Variants in PRKG1 observed in about 807,000 individuals in gnomAD.
The protein encoded by PRKG1 is cGMP-dependent protein kinase 1.
A neutral mutation model predicts 88.1 loss-of-function variants in PRKG1; 35 were observed. The observed-to-expected ratio is 0.40, with a 90% confidence interval of 0.30 to 0.53. The LOEUF is 0.53. Among genes scored for constraint, PRKG1 ranks in the 20% least tolerant of loss-of-function variants. The probability of loss-of-function intolerance (pLI) is 0.59; values close to 1 mark genes in which losing one functional copy is unlikely to be tolerated. For synonymous variants in PRKG1, 303 were observed against 292.5 expected (o/e 1.04, Z -0.37); for missense variants, 540 against 839.8 (o/e 0.64, Z 4.41).
intron 3 of PRKG1, among the ~76,000 whole-genome samples, chr10:51,484,246 TC>T (rs1840460269): frequency 1.3e-5 from 2 of 152,160 alleles, no homozygotes; most frequent in Admixed American, 1.3e-4. Context: ...CAAGCCCGTG[TC>T]CCTTTACCTG....
At chr10:52,001,907 GGTTACACAAAACACAT>G (rs1352519322) in intron 5 of PRKG1, among the ~76,000 whole-genome samples, 5 of 151,956 alleles carry the variant, frequency 3.3e-5, no homozygotes, top group Admixed American at 6.6e-5. Context: ...TAGAGTAAAT[GGTTACACAAAACACAT>G]GTGAAGTTGG....
intron 5 of PRKG1, among the ~76,000 whole-genome samples, chr10:51,970,801 A>G (rs916588421): frequency 3.5e-5 from 5 of 141,276 alleles, no homozygotes; most frequent in Middle Eastern, 3.4e-3. Flanking sequence ...TTATATATAT[A>G]TATCAGATGA....
At chr10:51,627,932 TCC>T (rs879732765) in intron 3 of PRKG1, among the ~76,000 whole-genome samples, 2,239 of 32,684 alleles carry the variant, frequency 0.069, 84 homozygotes, top group Non-Finnish European at 0.12. Context: ...CTTCCTTTCT[TCC>T]TTCCTTCCTT....
intron 2 of PRKG1, among the ~76,000 whole-genome samples, chr10:51,452,086 A>G (rs1037087599): frequency 1.3e-5 from 2 of 151,920 alleles, no homozygotes; most frequent in Admixed American, 1.3e-4. Context: ...CAATTTACCC[A>G]TTTAAGGTGT....
At chr10:51,597,172 TG>T (rs922358157) in intron 3 of PRKG1, among the ~76,000 whole-genome samples, 9 of 149,008 alleles carry the variant, frequency 6.0e-5, no homozygotes, top group African/African-American at 2.6e-5. Context: ...TTCTAGAGTT[TG>T]TTTTTTTTTT....
At chr10:51,986,020 G>C (rs536188324) in intron 5 of PRKG1, among the ~76,000 whole-genome samples, 1 of 152,210 alleles carries the variant, frequency 6.6e-6, no homozygotes, top group Non-Finnish European at 1.5e-5. Context: ...ACACTATAGG[G>C]TATTTGTCAT....
chr10:51,525,764 T>C (rs1210127880), intron 3 of PRKG1, among the ~76,000 whole-genome samples: 3 of 151,472 alleles, frequency 2.0e-5, no homozygotes, highest in African/African-American at 7.3e-5. Context: ...AACTCCCATA[T>C]ACCTACCACC....
intron 1 of PRKG1, among the ~76,000 whole-genome samples, chr10:51,008,058 A>T (rs951925839): frequency 6.6e-6 from 1 of 152,184 alleles, no homozygotes; most frequent in South Asian, 2.1e-4. Flanking sequence ...ATACTACATG[A>T]TAATCAACAG....
intron 4 of PRKG1, among the ~76,000 whole-genome samples, chr10:51,824,108 A>G (rs1839824191): frequency 1.3e-5 from 2 of 152,016 alleles, no homozygotes; most frequent in Admixed American, 6.6e-5. Context: ...TCCTGGGCTC[A>G]AGTGATTCTC....
chr10:51,452,343 A>G (rs777287511), intron 2 of PRKG1, among the ~76,000 whole-genome samples: 1 of 151,858 alleles, frequency 6.6e-6, no homozygotes, highest in African/African-American at 2.4e-5. Context: ...TAGAAGTAGT[A>G]CAAGTGGGGA....
intron 2 of PRKG1, among the ~76,000 whole-genome samples, chr10:51,425,072 C>T (rs1020511672): frequency 2.6e-5 from 4 of 152,024 alleles, no homozygotes; most frequent in Admixed American, 2.0e-4. Context: ...GCCCCTGCTA[C>T]GTATCAGGTA....
chr10:51,761,011 G>A (rs138439201), intron 3 of PRKG1, among the ~76,000 whole-genome samples: 182 of 152,256 alleles, frequency 1.2e-3, no homozygotes, highest in African/African-American at 4.1e-3. Context: ...TACTTGGGAG[G>A]CTGAGGCAGA....
chr10:51,937,527 G>A (rs756300260), intron 5 of PRKG1, among the ~76,000 whole-genome samples: 1 of 151,986 alleles, frequency 6.6e-6, no homozygotes, highest in Non-Finnish European at 1.5e-5. Flanking sequence ...GTTCCAGTCT[G>A]ACTTAAGAAA....
At chr10:52,055,922 G>T (rs12360488) in intron 6 of PRKG1, among the ~76,000 whole-genome samples, 8 of 152,094 alleles carry the variant, frequency 5.3e-5, no homozygotes, top group Non-Finnish European at 8.8e-5. Flanking sequence ...CACAATTTAG[G>T]TAATTCTCCT....
chr10:51,033,454 T>C (rs920707206), intron 1 of PRKG1, among the ~76,000 whole-genome samples: 3 of 152,188 alleles, frequency 2.0e-5, no homozygotes, highest in Non-Finnish European at 2.9e-5. Flanking sequence ...TCAGTCTCAC[T>C]ATAGGACATG....
At chr10:52,291,535 T>G (rs1842246010) in intron 17 of PRKG1, among the ~76,000 whole-genome samples, 1 of 151,826 alleles carries the variant, frequency 6.6e-6, no homozygotes, top group Non-Finnish European at 1.5e-5. Flanking sequence ...GATAGTTTAC[T>G]GAGAAATGAT....
At chr10:51,083,344 T>C (rs1411290948) in intron 1 of PRKG1, among the ~76,000 whole-genome samples, 1 of 152,220 alleles carries the variant, frequency 6.6e-6, no homozygotes, top group Non-Finnish European at 1.5e-5. Context: ...GTTTTGTTTT[T>C]AAATTCTTGC....
intron 3 of PRKG1, among the ~76,000 whole-genome samples, chr10:51,559,530 A>G (rs1376239536): frequency 6.6e-6 from 1 of 152,100 alleles, no homozygotes; most frequent in African/African-American, 2.4e-5. Flanking sequence ...AAGCAACCAA[A>G]CAAGACTTTT....
At position 51,762,873 on chromosome 10, in the gene PRKG1, T is replaced by C. The variant is rs543896300; in HGVS notation, c.593-41712T>C. On this transcript the variant is annotated intron_variant, in intron 3 of 17. Coordinates refer to ENST00000373980, the MANE Select transcript of PRKG1 (RefSeq NM_006258.4). ...GGATCTATATCCTCACAGTGATTCA[T>C]GCAAAGGTACCTGTGTATTTCCGTT... Among the ~76,000 whole-genome samples, 7 of 152,354 alleles carry C rather than the reference T, an allele frequency of 4.6e-5. No individual in the cohort carries two copies. The South Asian group carries it at 1.2e-3, about 27-fold the overall frequency.
Sources: allele counts gnomAD v4.1 joint callset (sites outside exome capture counted in the v4.1 genomes callset), GRCh38; gene constraint gnomAD v4.1.1; transcripts MANE v1.5; gene names NCBI Gene and HGNC (gene_info 2026-07-23, HGNC 2026-07-21).